WNT16: variants seen among roughly 807,000 people sequenced by gnomAD.
WNT16 encodes Wnt family member 16, also known as protein Wnt-16.
In WNT16, 20 loss-of-function variants were observed where a neutral mutation model predicts 35.4. The observed-to-expected ratio is 0.56, with a 90% CI of 0.40 to 0.82. WNT16 has a LOEUF of 0.82. Ranked by LOEUF, WNT16 falls within the 40% of genes least tolerant of loss-of-function variation. The probability of loss-of-function intolerance (pLI) is 0.00; values close to 1 mark genes in which losing one functional copy is unlikely to be tolerated. For missense variants in WNT16, 461 were observed against 466.0 expected, an observed-to-expected ratio of 0.99 and a Z score of 0.10; for synonymous variants, 180 against 179.2, an observed-to-expected ratio of 1.00 and a Z score of -0.03.
intron 3 of WNT16, among the ~76,000 whole-genome samples, chr7:121,338,141 T>C (rs1371475505): frequency 2.0e-5 from 3 of 152,224 alleles, no homozygotes; most frequent in Non-Finnish European, 2.9e-5. Flanking sequence ...CTGACTTTTA[T>C]AGTGATCAAA....
intron 3 of WNT16, among the ~76,000 whole-genome samples, chr7:121,335,836 CTTTA>C (rs1219510083): frequency 3.9e-5 from 6 of 151,968 alleles, no homozygotes; most frequent in African/African-American, 1.4e-4. Flanking sequence ...CTTAATCAGA[CTTTA>C]TTTTTCTGTA....
chr7:121,336,531 T>C (rs1584679301), intron 3 of WNT16, among the ~76,000 whole-genome samples: 1 of 152,262 alleles, frequency 6.6e-6, no homozygotes, highest in East Asian at 1.9e-4. Context: ...TTCATCGTGT[T>C]GTAGTGCATA....
chr7:121,329,751 A>G lies in WNT16; in HGVS notation c.280A>G (p.Ile94Val). ...QFRHERWNCM[I>V]TAAATTAPMG... The stretch of plus-strand genomic sequence containing the variant: ...CAGACACGAGAGATGGAACTGCATG[A>G]TCACCGCCGCCGCCACTACCGCCCC... Residue 94 changes from isoleucine (I) to valine (V), a missense_variant, in exon 2 of 4, where the codon ATC becomes GTC. Physicochemically the swap from Ile to Val is conservative, Grantham distance 29. Coordinates refer to ENST00000222462, the MANE Select transcript of WNT16 (RefSeq NM_057168.2). 6.2e-7 allele frequency: 1 copy of G among 1,609,382 alleles called. No individual in the cohort carries two copies.
At chr7:121,334,211 T>C (rs529531303) in intron 3 of WNT16, among the ~76,000 whole-genome samples, 1 of 152,172 alleles carries the variant, frequency 6.6e-6, no homozygotes, top group Non-Finnish European at 1.5e-5. Context: ...TCCTGAATCA[T>C]TTTTTTCACA....
chr7:121,332,463 G>A (rs900316395), intron 3 of WNT16, among the ~76,000 whole-genome samples: 3 of 152,104 alleles, frequency 2.0e-5, no homozygotes, highest in East Asian at 1.9e-4. Flanking sequence ...GGTTCTACCC[G>A]CTTAGTCGTG....
chr7:121,331,728 C>G lies in WNT16; in HGVS notation c.397C>G (p.His133Asp), dbSNP rs1274858673. The G allele has an allele frequency of 6.2e-7, 1 of 1,614,146 alleles. No individual in the cohort carries two copies. Among genetic ancestry groups the G allele is most frequent in the Admixed American group, 1.7e-5 (1 of 60,024 alleles). ...IYAVMAAGLV[H>D]SVTRSCSAGN... is the part of the protein sequence containing the mutation. ...TGCTGTGATGGCTGCAGGCCTGGTG[C>G]ATTCTGTGACCAGGTCATGCAGTGC... is the stretch of plus-strand genomic sequence containing the variant. The change falls in exon 3 of 4, where the codon CAT becomes GAT. Residue 133 changes from histidine (H) to aspartate (D), a missense_variant. Physicochemically the swap from His to Asp is moderately conservative, Grantham distance 81 (BLOSUM62 -1). Transcript: ENST00000222462.
rs568132238 is a variant in WNT16, at chr7:121,339,753, A to G, written c.*408A>G. 6.7e-5 allele frequency: 23 copies of G among 340,980 alleles called. No homozygotes were observed. In the East Asian group the frequency reaches 9.4e-4, roughly 14 times the overall value. The allele number at this position is 340,980 out of a possible 1,614,324, so 21.1% of individuals were successfully genotyped here. A position where few individuals can be genotyped will look rare whatever the true frequency, so the allele number is the denominator to read the frequency against. On this transcript the variant is annotated 3_prime_UTR_variant, in exon 4 of 4. Transcript: ENST00000222462. Reference sequence around the variant, plus strand: ...GTGGGTGAACATTAGTCATTTTTAAAAGACACCTCTTATAGCAATAAGGAG... The same window carrying G: ...GTGGGTGAACATTAGTCATTTTTAAGAGACACCTCTTATAGCAATAAGGAG...
intron 2 of WNT16, among the ~76,000 whole-genome samples, chr7:121,330,383 T>G (rs941557028): frequency 6.6e-6 from 1 of 152,350 alleles, no homozygotes; most frequent in East Asian, 1.9e-4. Context: ...CGCTTCTCGT[T>G]TCTTTGGCTT....
At chr7:121,334,428 A>G (rs1300333479) in intron 3 of WNT16, among the ~76,000 whole-genome samples, 2 of 152,154 alleles carry the variant, frequency 1.3e-5, no homozygotes, top group Non-Finnish European at 2.9e-5. Flanking sequence ...CAACAACACC[A>G]TAAAAGAGGT....
upstream of WNT16, chr7:121,325,626 T>A (rs1793232923): frequency 2.9e-6 from 2 of 694,426 alleles, no homozygotes; most frequent in Middle Eastern, 3.5e-4. Flanking sequence ...GATTTGGGGA[T>A]TTGATCAGGG....
rs1381770161 is a variant in WNT16 at position 121,339,608 on chromosome 7, C to G, written c.*263C>G. The G allele has an allele frequency of 2.1e-6, 1 of 472,018 alleles. No homozygotes were observed. Among genetic ancestry groups the G allele is most frequent in the Non-Finnish European group, 3.7e-6 (1 of 268,028 alleles). 29.2% of individuals were successfully genotyped at this position (472,018 alleles called of 1,614,324 possible). On this transcript the variant is annotated 3_prime_UTR_variant, in exon 4 of 4. Coordinates refer to ENST00000222462, the MANE Select transcript of WNT16 (RefSeq NM_057168.2). ...GATTTGGGGAATATATATTGACATA[C>G]AAGGAAGATAATCTGTTTCCTAAGC...
At position 121,339,523 on chromosome 7, in the gene WNT16, A is replaced by G; in HGVS notation, c.*178A>G. 1.8e-6 allele frequency: 1 copy of G among 567,844 alleles called. No individual in the cohort carries two copies. The highest frequency in any genetic ancestry group is 2.8e-5 in the East Asian group (1 of 36,020). The allele number at this position is 567,844 out of a possible 1,614,324, so 35.2% of individuals were successfully genotyped here. ...ATATTTTCCTTTATCTGATCAACCC[A>G]TCAATCATGTGGATTTCTTGGGATT... On this transcript the variant is annotated 3_prime_UTR_variant, in exon 4 of 4. Coordinates refer to ENST00000222462, the MANE Select transcript of WNT16 (RefSeq NM_057168.2).
chr7:121,335,860 T>C (rs1372287605), intron 3 of WNT16, among the ~76,000 whole-genome samples: 1 of 152,128 alleles, frequency 6.6e-6, no homozygotes, highest in East Asian at 1.9e-4. Context: ...AAAATTGAAA[T>C]CATAAGTACC....
At chr7:121,330,293 G>A (rs1793319536) in intron 2 of WNT16, among the ~76,000 whole-genome samples, 1 of 152,262 alleles carries the variant, frequency 6.6e-6, no homozygotes, top group African/African-American at 2.4e-5. Context: ...GGAGCACCGA[G>A]TTGACAGAAT....
At chr7:121,327,988 C>T (rs1418839422), upstream of WNT16, among the ~76,000 whole-genome samples, 1 of 152,182 alleles carries the variant, frequency 6.6e-6, no homozygotes, top group South Asian at 2.1e-4. Flanking sequence ...ATCATCTAAA[C>T]GTATTTTCTT....
At chr7:121,328,073 A>G (rs1238118992), upstream of WNT16, among the ~76,000 whole-genome samples, 1 of 152,232 alleles carries the variant, frequency 6.6e-6, no homozygotes, top group Non-Finnish European at 1.5e-5. Flanking sequence ...AGGACTAGGC[A>G]CACAGCAGGT....
intron 3 of WNT16, among the ~76,000 whole-genome samples, chr7:121,333,451 T>G (rs780952179): frequency 1.3e-5 from 2 of 151,988 alleles, no homozygotes; most frequent in Non-Finnish European, 2.9e-5. Flanking sequence ...ATGTAAGCTT[T>G]TTGTATTTTT....
At chr7:121,326,014 G>C (rs556074481), upstream of WNT16, among the ~76,000 whole-genome samples, 1 of 128,256 alleles carries the variant, frequency 7.8e-6, no homozygotes, top group African/African-American at 3.1e-5. Context: ...ACTCCAACCT[G>C]GGCAATAGAA....
upstream of WNT16, among the ~76,000 whole-genome samples, chr7:121,326,449 G>A (rs969061576): frequency 2.0e-5 from 3 of 152,164 alleles, no homozygotes; most frequent in African/African-American, 7.2e-5. Context: ...TGTGTCTTGT[G>A]TTTGAAAATG....
Sources: gnomAD v4.1 joint callset for allele counts (sites outside exome capture counted in the v4.1 genomes callset) on GRCh38, gnomAD v4.1.1 for gene constraint, MANE v1.5 for transcripts, NCBI Gene and HGNC (gene_info 2026-07-23, HGNC 2026-07-21) for gene names.